Variants in SORBS2 observed in about 807,000 individuals in gnomAD.
The protein encoded by SORBS2 is sorbin and SH3 domain containing 2, also known as sorbin and SH3 domain-containing protein 2.
A neutral mutation model predicts 97.7 loss-of-function variants in SORBS2; 46 were observed. The observed-to-expected ratio is 0.47, with a 90% CI of 0.37 to 0.60. SORBS2 has a LOEUF of 0.60. SORBS2 is among the 20% of genes least tolerant of loss of function. The pLI, the probability that SORBS2 is intolerant of heterozygous loss-of-function variation, is 0.00. For missense variants in SORBS2, 1,316 were observed against 1,282.3 expected (o/e 1.03, Z -0.40); for synonymous variants, 476 against 473.4 (o/e 1.01, Z -0.07).
intron 1 of SORBS2, among the ~76,000 whole-genome samples, chr4:185,861,627 G>A (rs2099223836): frequency 7.7e-6 from 1 of 130,274 alleles, no homozygotes; most frequent in African/African-American, 3.1e-5. Context: ...CTTTTTTTGA[G>A]ATGGAATCTC....
intron 4 of SORBS2, among the ~76,000 whole-genome samples, chr4:185,672,744 C>T (rs4241811): frequency 0.8 from 121,360 of 152,172 alleles, 48,603 homozygotes; most frequent in East Asian, 0.92. Flanking sequence ...GTACTTTTAT[C>T]GCTTGGACCT....
intron 1 of SORBS2, among the ~76,000 whole-genome samples, chr4:185,917,224 T>G (rs937598058): frequency 2.0e-5 from 3 of 152,144 alleles, no homozygotes; most frequent in Admixed American, 2.0e-4. Flanking sequence ...TCTGTATCCT[T>G]TGTATCCTTT....
intron 1 of SORBS2, among the ~76,000 whole-genome samples, chr4:185,806,537 A>C (rs1449176129): frequency 1.5e-5 from 2 of 134,914 alleles, no homozygotes; most frequent in Non-Finnish European, 3.1e-5. Context: ...GGCTCACTGC[A>C]AGCTCCTCCT....
At chr4:185,786,358 A>G (rs1339839144) in intron 1 of SORBS2, among the ~76,000 whole-genome samples, 1 of 152,204 alleles carries the variant, frequency 6.6e-6, no homozygotes, top group Non-Finnish European at 1.5e-5. Context: ...CCTGGAAGAA[A>G]TAGAGAAGAA....
At chr4:185,639,888 T>C (rs898698785) in intron 4 of SORBS2, among the ~76,000 whole-genome samples, 3 of 152,160 alleles carry the variant, frequency 2.0e-5, no homozygotes, top group East Asian at 3.9e-4. Context: ...GACATCTTGG[T>C]TGTGAAAAAA....
intron 2 of SORBS2, among the ~76,000 whole-genome samples, chr4:185,734,801 G>A (rs1375156507): frequency 6.6e-6 from 1 of 152,146 alleles, no homozygotes; most frequent in Non-Finnish European, 1.5e-5. Flanking sequence ...GGGCTTCAAA[G>A]CCTTCCCTCT....
intron 2 of SORBS2, among the ~76,000 whole-genome samples, chr4:185,685,186 C>A (rs974260513): frequency 6.6e-6 from 1 of 152,212 alleles, no homozygotes; most frequent in South Asian, 2.1e-4. Context: ...TATACTAAAT[C>A]TATAAGCACT....
chr4:185,677,600 G>A (rs976380696), intron 4 of SORBS2: 3 of 1,528,492 alleles, frequency 2.0e-6, no homozygotes, highest in Admixed American at 2.0e-5. Flanking sequence ...TTATCAAAGA[G>A]CTATGAAAGC....
intron 1 of SORBS2, among the ~76,000 whole-genome samples, chr4:185,863,714 A>G (rs979390372): frequency 3.9e-5 from 6 of 152,162 alleles, no homozygotes; most frequent in African/African-American, 1.2e-4. Context: ...TGGAGTGTGG[A>G]CCTAGGTGGA....
At chr4:185,699,284 C>CTTTTTTTTTT (rs11435144) in intron 2 of SORBS2, among the ~76,000 whole-genome samples, 2 of 112,580 alleles carry the variant, frequency 1.8e-5, no homozygotes, top group East Asian at 2.6e-4. Context: ...TGAAATGTAC[C>CTTTTTTTTTT]TTTTTTTTTT....
Position 185,607,486 on chromosome 4 carries a change from A to T in SORBS2, c.2796+4294T>A, listed in dbSNP as rs563978807. The T allele has an allele frequency of 1.4e-4, 51 of 377,526 alleles. 1 individual carries two copies. Among genetic ancestry groups the T allele is most frequent in the South Asian group, 1.2e-3 (50 of 43,462 alleles). The allele number at this position is 377,526 out of a possible 1,614,324, so 23.4% of individuals were successfully genotyped here. A position where few individuals can be genotyped will look rare whatever the true frequency, so the allele number is the denominator to read the frequency against. On this transcript the variant is annotated intron_variant, in intron 12 of 14. Coordinates refer to ENST00000418609, the Ensembl canonical transcript of SORBS2. This position sits in a 1 kb window ranked among gnomAD's most constrained non-coding sequence, Gnocchi z 5.2. ...GAAAATAATTTTATGTTTAACATAG[A>T]TTTGAAGACATTTAGAAGATATCTA...
chr4:185,943,069 T>C (rs1280323129), intron 1 of SORBS2, among the ~76,000 whole-genome samples: 8 of 152,352 alleles, frequency 5.3e-5, no homozygotes, highest in African/African-American at 1.9e-4. Context: ...AACAATAATT[T>C]TTAGAAGGCT....
intron 4 of SORBS2, chr4:185,677,744 G>T: frequency 4.1e-6 from 3 of 727,694 alleles, no homozygotes; most frequent in Non-Finnish European, 6.2e-6. Context: ...CTTTACAGAA[G>T]TAAAGCAATG....
At chr4:185,705,189 G>A (rs1034000839) in intron 2 of SORBS2, among the ~76,000 whole-genome samples, 4 of 152,198 alleles carry the variant, frequency 2.6e-5, no homozygotes, top group South Asian at 2.1e-4. Flanking sequence ...GAAGTTGGTC[G>A]ATATTAAAGC....
intron 1 of SORBS2, among the ~76,000 whole-genome samples, chr4:185,919,103 C>T (rs1291255592): frequency 1.3e-5 from 2 of 152,184 alleles, no homozygotes; most frequent in African/African-American, 4.8e-5. Context: ...AGAATCAGAA[C>T]TCTTTTCATG....
intron 2 of SORBS2, among the ~76,000 whole-genome samples, chr4:185,697,817 G>C (rs2098199312): frequency 6.6e-6 from 1 of 152,098 alleles, no homozygotes. Flanking sequence ...TCTATTTTGA[G>C]GAGAAAAGCC....
chr4:185,709,326 G>GTTTTTTTTTTTTTTTTT (rs1583194866), intron 2 of SORBS2, among the ~76,000 whole-genome samples: 1 of 32,186 alleles, frequency 3.1e-5, no homozygotes, highest in African/African-American at 9.4e-5. Context: ...TTTTTTTTTA[G>GTTTTTTTTTTTTTTTTT]TAAAAGGAAA....
intron 1 of SORBS2, among the ~76,000 whole-genome samples, chr4:185,827,780 TCATCATCGTCAC>T (rs1561212752): frequency 8.0e-6 from 1 of 124,308 alleles, no homozygotes; most frequent in Non-Finnish European, 1.7e-5. Context: ...ACCATCACCA[TCATCATCGTCAC>T]CATCATCGTC....
intron 4 of SORBS2, among the ~76,000 whole-genome samples, chr4:185,668,695 C>T (rs1015195818): frequency 1.4e-4 from 21 of 152,216 alleles, no homozygotes; most frequent in African/African-American, 3.6e-4. Context: ...TGGACTACCT[C>T]AAAAATAGGG....
Sources: allele counts gnomAD v4.1 joint callset (sites outside exome capture counted in the v4.1 genomes callset), GRCh38; gene constraint gnomAD v4.1.1; non-coding constraint Gnocchi (gnomAD v3.1); transcripts MANE v1.5; gene names NCBI Gene and HGNC (gene_info 2026-07-23, HGNC 2026-07-21).